Variants in TLE4 observed in about 807,000 individuals in gnomAD.
The protein encoded by TLE4 is TLE family member 4, transcriptional corepressor.
Under a neutral mutation model 92.8 loss-of-function variants are expected in TLE4, and 8 were observed. That is an observed-to-expected ratio of 0.09 (90% CI 0.05 to 0.16). The LOEUF is 0.16. Among genes scored for constraint, TLE4 ranks in the 10% least tolerant of loss-of-function variants. The pLI is 1.00. For synonymous variants in TLE4, 371 were observed against 374.1 expected (o/e 0.99, Z 0.10); for missense variants, 675 against 997.6 (o/e 0.68, Z 4.36).
chr9:79,666,486 A>T (rs1163234670), intron 8 of TLE4, among the ~76,000 whole-genome samples: 2 of 151,716 alleles, frequency 1.3e-5, no homozygotes, highest in African/African-American at 4.8e-5. Flanking sequence ...CGATCCACCC[A>T]CCTCAGCCTC....
rs779594655 is a variant in TLE4, at chr9:79,707,259, C to T, written c.936+360C>T. 6 of 1,551,074 alleles carry T rather than the reference C, an allele frequency of 3.9e-6. No homozygotes were observed. In the African/African-American group the frequency reaches 8.1e-5, roughly 21 times the overall value. ...GGCTTGAATGTGATTTTGTTGCTAG[C>T]TTTGTTTGAATTACCAAGCTACATA... On this transcript the variant is annotated intron_variant, in intron 11 of 19. Transcript: ENST00000376552.
At chr9:79,658,084 G>C (rs2134357884) in intron 8 of TLE4, among the ~76,000 whole-genome samples, 1 of 152,132 alleles carries the variant, frequency 6.6e-6, no homozygotes, top group Non-Finnish European at 1.5e-5. Context: ...TTTTATTTTT[G>C]TTATTTCATT....
intron 6 of TLE4, among the ~76,000 whole-genome samples, chr9:79,648,334 G>T (rs966581550): frequency 1.3e-5 from 2 of 152,262 alleles, no homozygotes; most frequent in Non-Finnish European, 2.9e-5. Context: ...ACAGTCTCTG[G>T]CAAGTCAGGG....
chr9:79,606,362 AGTGT>A (rs1230290741), intron 4 of TLE4, among the ~76,000 whole-genome samples: 1 of 122,430 alleles, frequency 8.2e-6, no homozygotes, highest in Non-Finnish European at 1.7e-5. Context: ...ACCTAAGATT[AGTGT>A]GTGTGTGTTT....
chr9:79,601,674 C>A (rs1360864047), intron 4 of TLE4, among the ~76,000 whole-genome samples: 1 of 152,208 alleles, frequency 6.6e-6, no homozygotes, highest in Non-Finnish European at 1.5e-5. Flanking sequence ...CTGCTTCATG[C>A]TATTCCCCCT....
At chr9:79,702,027 G>T (rs1382216265) in intron 8 of TLE4, among the ~76,000 whole-genome samples, 1 of 152,222 alleles carries the variant, frequency 6.6e-6, no homozygotes, top group African/African-American at 2.4e-5. Flanking sequence ...TGACATTAGA[G>T]CTGATTCTTA....
At chr9:79,718,692 C>G (rs752268456) in intron 14 of TLE4, 30 bp from the exon 15 acceptor site, 63 of 1,588,408 alleles carry the variant, frequency 4.0e-5, no homozygotes, top group Non-Finnish European at 5.3e-5. Context: ...TTACATTCCC[C>G]TCTTTCTTTT....
chr9:79,726,695 T>C lies in TLE4; in HGVS notation c.*1551T>C, dbSNP rs1028205005. The C allele has an allele frequency of 2.6e-5, 4 of 152,650 alleles. No individual in the cohort carries two copies. Among genetic ancestry groups the C allele is most frequent in the African/African-American group, 9.6e-5 (4 of 41,454 alleles). 9.5% of individuals were successfully genotyped at this position (152,650 alleles called of 1,614,324 possible). A position where few individuals can be genotyped will look rare whatever the true frequency, so the allele number is the denominator to read the frequency against. On this transcript the variant is annotated 3_prime_UTR_variant, in exon 20 of 20. Coordinates refer to ENST00000376552, the MANE Select transcript of TLE4 (RefSeq NM_007005.6). ...CACCAGTACTTCTATAATGGTAGAT[T>C]GTTTGTGAATTCAGACTTTTAAGCA...
At chr9:79,573,021 T>G (rs1226938565) in intron 1 of TLE4, among the ~76,000 whole-genome samples, 186 bp downstream of exon 1, 7 of 151,284 alleles carry the variant, frequency 4.6e-5, no homozygotes, top group African/African-American at 1.7e-4. Flanking sequence ...TCGGAGGGGG[T>G]GCGGAGAGGC....
intron 8 of TLE4, among the ~76,000 whole-genome samples, chr9:79,690,780 T>G (rs939072420): frequency 0.045 from 998 of 22,084 alleles, 7 homozygotes; most frequent in South Asian, 0.098. Context: ...CACTCCTGGC[T>G]TTTTTTTTTT....
chr9:79,596,004 G>A (rs1044507226), intron 4 of TLE4, among the ~76,000 whole-genome samples: 11 of 151,664 alleles, frequency 7.3e-5, no homozygotes, highest in Non-Finnish European at 1.0e-4. Context: ...CCACCACCAC[G>A]CCATGCTATT....
chr9:79,587,306 CA>C (rs2041374293), intron 4 of TLE4, among the ~76,000 whole-genome samples: 1 of 151,974 alleles, frequency 6.6e-6, no homozygotes, highest in South Asian at 2.1e-4. Flanking sequence ...TTATGCTGAG[CA>C]AAAAAGGCCT....
chr9:79,667,034 G>A (rs550883671), intron 8 of TLE4, among the ~76,000 whole-genome samples: 80 of 152,344 alleles, frequency 5.3e-4, no homozygotes, highest in Admixed American at 1.4e-3. Context: ...GGGTCCTCAC[G>A]TATTTTCTTG....
chr9:79,702,595 G>A (rs764194096), intron 8 of TLE4, among the ~76,000 whole-genome samples: 1 of 152,198 alleles, frequency 6.6e-6, no homozygotes, highest in Non-Finnish European at 1.5e-5. Context: ...AATGTTTTGT[G>A]TCAATCTTCA....
intron 6 of TLE4, among the ~76,000 whole-genome samples, chr9:79,646,655 G>A (rs1336760126): frequency 6.6e-6 from 1 of 152,050 alleles, no homozygotes. Context: ...AGTTCCTAAG[G>A]TGAAAATTTG....
At chr9:79,615,435 C>T (rs981098659) in intron 5 of TLE4, among the ~76,000 whole-genome samples, 5 of 152,094 alleles carry the variant, frequency 3.3e-5, no homozygotes, top group Admixed American at 3.3e-4. Flanking sequence ...AAAAGCAAAA[C>T]AATTCCTGAA....
chr9:79,688,159 T>G (rs2066285173), intron 8 of TLE4, among the ~76,000 whole-genome samples: 1 of 152,228 alleles, frequency 6.6e-6, no homozygotes, highest in Non-Finnish European at 1.5e-5. Flanking sequence ...ACAGTATACT[T>G]CGTGCTGTCC....
intron 4 of TLE4, among the ~76,000 whole-genome samples, chr9:79,583,438 C>T (rs6559486): frequency 0.15 from 22,079 of 152,034 alleles, 1,768 homozygotes; most frequent in African/African-American, 0.2. Flanking sequence ...GCAGCTTCTG[C>T]GTTTCACGGA....
intron 6 of TLE4, among the ~76,000 whole-genome samples, chr9:79,637,690 A>G (rs907356561): frequency 3.9e-5 from 6 of 152,176 alleles, no homozygotes; most frequent in South Asian, 2.1e-4. Flanking sequence ...TGTCTGTTGT[A>G]TCTTACTCTT....
Sources: allele counts gnomAD v4.1 joint callset (sites outside exome capture counted in the v4.1 genomes callset), GRCh38; gene constraint gnomAD v4.1.1; transcripts MANE v1.5; gene names NCBI Gene and HGNC (gene_info 2026-07-23, HGNC 2026-07-21).